The following ABCA13 variants were observed in gnomAD, a reference collection of about 807,000 sequenced individuals.
The protein encoded by ABCA13 is ATP-binding cassette sub-family A member 13.
In ABCA13, 476 loss-of-function variants were observed where a neutral mutation model predicts 478.7. The ratio of observed to expected loss-of-function variants is 0.99; its 90% CI spans 0.92 to 1.07. The LOEUF (loss-of-function observed/expected upper bound fraction) is 1.07. ABCA13 is among the 50% of genes least tolerant of loss of function. The pLI, the probability that ABCA13 is intolerant of heterozygous loss-of-function variation, is 0.00. For missense variants in ABCA13, 6,060 were observed against 5,910.6 expected (o/e 1.03, Z -0.83); for synonymous variants, 2,252 against 2,158.9 (o/e 1.04, Z -1.20).
At chr7:48,407,615 G>A (rs1366262692) in intron 39 of ABCA13, among the ~76,000 whole-genome samples, 1 of 151,904 alleles carries the variant, frequency 6.6e-6, no homozygotes, top group African/African-American at 2.4e-5. Context: ...GGAGCCCAAT[G>A]GTGCAATCTC....
intron 45 of ABCA13, among the ~76,000 whole-genome samples, chr7:48,476,101 C>G (rs1171444769): frequency 1.3e-5 from 2 of 152,170 alleles, no homozygotes; most frequent in African/African-American, 4.8e-5. Flanking sequence ...TCACACAGTT[C>G]TGGAGGCTGG....
intron 41 of ABCA13, among the ~76,000 whole-genome samples, chr7:48,420,095 G>A (rs546570141): frequency 1.1e-4 from 17 of 152,228 alleles, no homozygotes; most frequent in Non-Finnish European, 1.9e-4. Context: ...GTAGCGCTGA[G>A]GGTGCTTTTC....
chr7:48,273,570 C>T lies in ABCA13; in HGVS notation c.3904C>T (p.Leu1302=), dbSNP rs550092103. Reference sequence around the variant, plus strand: ...TACCTCAGAATATATAGTCAGAAATCTAGATTCAATAAATGACTTTCTTTC... The same window carrying T: ...TACCTCAGAATATATAGTCAGAAATTTAGATTCAATAAATGACTTTCTTTC... ...SSTSEYIVRN[L]DSINDFLSNN... Residue 1302 remains leucine, a synonymous_variant, in exon 17 of 62, where the codon CTA becomes TTA. Transcript: ENST00000435803. 57 of 1,583,320 alleles carry T rather than the reference C, an allele frequency of 3.6e-5. 1 individual carries two copies. The African/African-American group carries it at 7.1e-4, about 20-fold the overall frequency.
rs77963037 is a variant in ABCA13, at chr7:48,263,554, T to G, written c.2006-5426T>G. Among the ~76,000 whole-genome samples, 7 of 151,918 alleles carry G rather than the reference T, an allele frequency of 4.6e-5. No homozygotes were observed. In the East Asian group the frequency reaches 1.2e-3, roughly 25 times the overall value. On this transcript the variant is annotated intron_variant, in intron 15 of 61. Coordinates refer to ENST00000435803, the MANE Select transcript of ABCA13 (RefSeq NM_152701.5). The stretch of plus-strand genomic sequence containing the variant: ...TTACATAGTTTTCTTTACTGAGTTC[T>G]TATGAAGATTAAATAAAATGATGTT...
At chr7:48,565,611 C>T (rs376315246) in intron 55 of ABCA13, among the ~76,000 whole-genome samples, 5 of 151,976 alleles carry the variant, frequency 3.3e-5, no homozygotes, top group African/African-American at 9.7e-5. Context: ...TGTGTGTAAT[C>T]CCAGCACCCA....
chr7:48,587,048 TC>T, intron 56 of ABCA13, 105 bp from the exon 57 acceptor site: 1 of 1,442,908 alleles, frequency 6.9e-7, no homozygotes, highest in Non-Finnish European at 9.5e-7. Context: ...TGTGTGAAGG[TC>T]GGCAGGGTTA....
At chr7:48,410,987 CTTT>C (rs1818963672) in intron 40 of ABCA13, among the ~76,000 whole-genome samples, 4 of 82,256 alleles carry the variant, frequency 4.9e-5, no homozygotes, top group African/African-American at 1.9e-4. Flanking sequence ...CTCTTTCTTT[CTTT>C]CTTTCTTTCT....
intron 52 of ABCA13, among the ~76,000 whole-genome samples, chr7:48,517,243 A>G (rs146602380): frequency 6.6e-6 from 1 of 152,244 alleles, no homozygotes; most frequent in East Asian, 1.9e-4. Context: ...ATGCCCTCTC[A>G]ATGTTCACCA....
intron 5 of ABCA13, among the ~76,000 whole-genome samples, chr7:48,226,404 T>G (rs1788213893): frequency 2.0e-5 from 3 of 151,732 alleles, no homozygotes; most frequent in Admixed American, 2.0e-4. Flanking sequence ...CCACTGAGAG[T>G]GGTGTGAGGA....
At chr7:48,219,328 A>C in intron 3 of ABCA13, 26 bp from the exon 4 acceptor site, 2 of 1,574,328 alleles carry the variant, frequency 1.3e-6, no homozygotes, top group Non-Finnish European at 1.7e-6. Flanking sequence ...AAAGAGTTTC[A>C]CTTGCAGTAT....
Position 48,372,365 on chromosome 7 carries a change from CTT to C in ABCA13, c.11002_11003del (p.Leu3668GlufsTer8). 1.2e-6 allele frequency: 2 copies of C among 1,613,940 alleles called. No individual in the cohort carries two copies. The highest frequency in any genetic ancestry group is 1.7e-6 in the Non-Finnish European group (2 of 1,179,870). On this transcript the variant is annotated frameshift_variant, in exon 33 of 62. Coordinates refer to ENST00000435803, the MANE Select transcript of ABCA13 (RefSeq NM_152701.5). LOFTEE classifies it high-confidence loss of function. The part of the protein sequence containing the change: ...GMSVVMLSYL[L>X]SAFFSQANTA... Reference sequence around the variant, plus strand: ...TGTCAGTCGTCATGCTGAGCTACCTCTTGAGTGCATTTTTCAGCCAAGCTAAT... The same window carrying C: ...TGTCAGTCGTCATGCTGAGCTACCTCGAGTGCATTTTTCAGCCAAGCTAAT...
intron 55 of ABCA13, 22 bp from the exon 56 acceptor site, chr7:48,580,202 C>T: frequency 6.3e-7 from 1 of 1,589,568 alleles, no homozygotes; most frequent in Non-Finnish European, 8.6e-7. Context: ...CTGTTCTCAG[C>T]CTGTGCTGCT....
At position 48,313,063 on chromosome 7, in the gene ABCA13, T is replaced by A. The variant is rs370977798; in HGVS notation, c.9517-4T>A. Reference sequence around the variant, plus strand: ...TGTTGTTTTGTTTTTGTTTTGTCCTTTAGACTCTGATGCCTTCTGAAGCAA... The same window carrying A: ...TGTTGTTTTGTTTTTGTTTTGTCCTATAGACTCTGATGCCTTCTGAAGCAA... On this transcript the variant is annotated splice_polypyrimidine_tract_variant and splice_region_variant and intron_variant, in intron 24 of 61. Coordinates refer to ENST00000435803, the MANE Select transcript of ABCA13 (RefSeq NM_152701.5). The A allele has an allele frequency of 1.3e-6, 2 of 1,567,306 alleles. No individual in the cohort carries two copies.
chr7:48,528,104 A>G, intron 54 of ABCA13, 132 bp from the exon 55 acceptor site: 1 of 703,850 alleles, frequency 1.4e-6, no homozygotes, highest in Non-Finnish European at 2.4e-6. Context: ...AAATAACACA[A>G]ACCAGCAAAG....
At chr7:48,300,180 T>C (rs1799957905) in intron 23 of ABCA13, among the ~76,000 whole-genome samples, 1 of 152,270 alleles carries the variant, frequency 6.6e-6, no homozygotes, top group Non-Finnish European at 1.5e-5. Flanking sequence ...CCTGGGTTTC[T>C]CTACCATAGC....
chr7:48,206,959 C>T (rs1413424883), intron 3 of ABCA13, among the ~76,000 whole-genome samples: 1 of 152,110 alleles, frequency 6.6e-6, no homozygotes, highest in Non-Finnish European at 1.5e-5. Context: ...CTCTATATCT[C>T]CCACCTCACC....
chr7:48,646,867 A>T lies in ABCA13; in HGVS notation c.*1355A>T, dbSNP rs533520659. The T allele has an allele frequency of 6.6e-6, 1 of 152,294 alleles. No individual in the cohort carries two copies. Among genetic ancestry groups the T allele is most frequent in the Admixed American group, 6.5e-5 (1 of 15,308 alleles). The allele number at this position is 152,294 out of a possible 1,614,324, so 9.4% of individuals were successfully genotyped here. A position where few individuals can be genotyped will look rare whatever the true frequency, so the allele number is the denominator to read the frequency against. ...TTAAAAGCTTTGTAAAAATTATGTC[A>T]TTCTCAGAATTGTTGTCTTCAAAGC... On this transcript the variant is annotated 3_prime_UTR_variant, in exon 62 of 62. Transcript: ENST00000435803.
At chr7:48,214,691 C>T (rs1172360712) in intron 3 of ABCA13, among the ~76,000 whole-genome samples, 2 of 152,222 alleles carry the variant, frequency 1.3e-5, no homozygotes, top group Non-Finnish European at 2.9e-5. Context: ...CCTCTGCTAA[C>T]TTCAGACTTT....
At chr7:48,368,714 T>TATATATATATAC (rs1455176603) in intron 32 of ABCA13, among the ~76,000 whole-genome samples, 1 of 118,562 alleles carries the variant, frequency 8.4e-6, no homozygotes, top group African/African-American at 3.0e-5. Flanking sequence ...TATATATATA[T>TATATATATATAC]ACACATACAC....
Sources: gnomAD v4.1 joint callset for allele counts (sites outside exome capture counted in the v4.1 genomes callset) on GRCh38, gnomAD v4.1.1 for gene constraint, MANE v1.5 for transcripts, NCBI Gene and HGNC (gene_info 2026-07-23, HGNC 2026-07-21) for gene names.